Variants in CIT observed in about 807,000 individuals in gnomAD.
CIT encodes the protein citron rho-interacting serine/threonine kinase, also known as citron Rho-interacting kinase.
Under a neutral mutation model 272.7 loss-of-function variants are expected in CIT, and 79 were observed. That is an observed-to-expected ratio of 0.29 (90% CI 0.24 to 0.35). CIT has a LOEUF of 0.35. Ranked by LOEUF, CIT falls within the 10% of genes least tolerant of loss-of-function variation. CIT has a pLI of 1.00. For missense variants in CIT, 1,909 were observed against 2,618.3 expected (o/e 0.73, Z 5.91); for synonymous variants, 948 against 995.6 (o/e 0.95, Z 0.90).
chr12:119,836,054 C>T (rs574274166), intron 5 of CIT, among the ~76,000 whole-genome samples: 82 of 151,868 alleles, frequency 5.4e-4, no homozygotes, highest in African/African-American at 1.9e-3. Flanking sequence ...TTTGGGAGGC[C>T]GAGGCAGGCG....
In CIT at chr12:119,694,844, CAAG is replaced by C. The variant is rs1158301775; in HGVS notation, c.5882+2812_5882+2814del. Among the ~76,000 whole-genome samples, 1 of 150,386 alleles carries C rather than the reference CAAG, an allele frequency of 6.6e-6. No individual in the cohort carries two copies. Among genetic ancestry groups the C allele is most frequent in the East Asian group, 2.0e-4 (1 of 5,128 alleles). On this transcript the variant is annotated intron_variant, in intron 46 of 47. Transcript: ENST00000392521. The surrounding 1 kb of genome is among the most constrained non-coding windows in gnomAD (Gnocchi z 4.5). ...TAAATAAAAATAAAAAATAAATAAA[CAAG>C]GAGGGGAAGGGCACTTCCAGAATGC...
chr12:119,775,793 A>T lies in CIT; in HGVS notation c.1934T>A (p.Leu645Gln). 6.2e-7 allele frequency: 1 copy of T among 1,613,680 alleles called. No individual in the cohort carries two copies. The highest frequency in any genetic ancestry group is 8.5e-7 in the Non-Finnish European group (1 of 1,179,632). The change falls in exon 16 of 48, where the codon CTG becomes CAG. Residue 645 changes from leucine (L) to glutamine (Q), a missense_variant. Leu to Gln is a moderately radical substitution (Grantham distance 113). Coordinates refer to ENST00000392521, the MANE Select transcript of CIT (RefSeq NM_001206999.2). ...QLKIQELQEK[L>Q]EKAVKASTEA... Reference sequence around the variant, plus strand: ...AAATCACCTTGGGCTTACCTTCTCCAGTTTCTCTTGGAGCTCCTGAATTTT... The same window carrying T: ...AAATCACCTTGGGCTTACCTTCTCCTGTTTCTCTTGGAGCTCCTGAATTTT...
chr12:119,820,568 TAA>T (rs1967614118), intron 9 of CIT, among the ~76,000 whole-genome samples: 2 of 151,924 alleles, frequency 1.3e-5, no homozygotes, highest in East Asian at 3.9e-4. Flanking sequence ...TAAATAAATA[TAA>T]AAAAGAGTTA....
At chr12:119,853,728 G>A (rs938720450) in intron 4 of CIT, among the ~76,000 whole-genome samples, 164 of 152,134 alleles carry the variant, frequency 1.1e-3, no homozygotes, top group African/African-American at 3.9e-3. Context: ...CACCTGATAT[G>A]CTGATCCTTC....
chr12:119,876,415 C>A (rs1950847573), intron 1 of CIT, among the ~76,000 whole-genome samples: 1 of 151,824 alleles, frequency 6.6e-6, no homozygotes, highest in Non-Finnish European at 1.5e-5. Context: ...TTATTATCTC[C>A]CCCCTTAGAA....
Position 119,775,780 on chromosome 12 carries a change from G to A in CIT, c.1941+6C>T, listed in dbSNP as rs1202839657. ...GTAAGTTCCTGAAAAATCACCTTGGGCTTACCTTCTCCAGTTTCTCTTGGA... is the reference window on the plus strand; with the variant it reads ...GTAAGTTCCTGAAAAATCACCTTGGACTTACCTTCTCCAGTTTCTCTTGGA... On this transcript the variant is annotated splice_donor_region_variant and intron_variant, in intron 16 of 47. Coordinates refer to ENST00000392521, the MANE Select transcript of CIT (RefSeq NM_001206999.2). 6.2e-7 allele frequency: 1 copy of A among 1,612,032 alleles called. No homozygotes were observed. Among genetic ancestry groups the A allele is most frequent in the South Asian group, 1.1e-5 (1 of 90,994 alleles).
At chr12:119,823,124 G>GGGAAGA in intron 8 of CIT, 151 bp from the exon 9 acceptor site, 1 of 751,174 alleles carries the variant, frequency 1.3e-6, no homozygotes, top group Non-Finnish European at 2.1e-6. Context: ...TTGGACCAAA[G>GGGAAGA]GCGTGTTCCC....
rs371063817 is a variant in CIT, at chr12:119,710,200, T to C, written c.5071+51A>G. Reference sequence around the variant, plus strand: ...ACGAGCATGAAACGTGGCTTCAACATATTGGCTCCCTTGAAAGTAAAGAAA... The same window carrying C: ...ACGAGCATGAAACGTGGCTTCAACACATTGGCTCCCTTGAAAGTAAAGAAA... On this transcript the variant is annotated intron_variant, in intron 39 of 47. Transcript: ENST00000392521. The surrounding 1 kb of genome is among the most constrained non-coding windows in gnomAD (Gnocchi z 5.6). 4.3e-5 allele frequency: 69 copies of C among 1,592,604 alleles called. No homozygotes were observed. The highest frequency in any genetic ancestry group is 5.6e-5 in the Non-Finnish European group (66 of 1,170,966).
intron 23 of CIT, among the ~76,000 whole-genome samples, chr12:119,743,184 T>C (rs977088001): frequency 2.0e-5 from 3 of 151,724 alleles, no homozygotes; most frequent in Non-Finnish European, 2.9e-5. Flanking sequence ...AGTGCGTGAT[T>C]AGAGATTGGG....
At position 119,713,415 on chromosome 12, in the gene CIT, C is replaced by G; in HGVS notation, c.4487+53G>C. 6.2e-7 allele frequency: 1 copy of G among 1,600,998 alleles called. No individual in the cohort carries two copies. The highest frequency in any genetic ancestry group is 8.5e-7 in the Non-Finnish European group (1 of 1,170,636). On this transcript the variant is annotated intron_variant, in intron 34 of 47. Transcript: ENST00000392521. This position sits in a 1 kb window ranked among gnomAD's most constrained non-coding sequence, Gnocchi z 5.2. ...ACACTTCCCTAGAAAACATCAGGGA[C>G]AGAGTGGCTTGTGCCAGCACCTGCT...
rs1964650161 is a variant in CIT at position 119,784,995 on chromosome 12, T to C, written c.1366A>G (p.Lys456Glu). The stretch of plus-strand genomic sequence containing the variant: ...TTGTCCTGAGAGTCTTGTAGCTCTT[T>C]GCTTTTGATGAGAAGTTTCTTTTCC... ...SMEKKLLIKSKELQDSQDKCH... is the reference protein window; with the variant it reads ...SMEKKLLIKSEELQDSQDKCH... Residue 456 changes from lysine to glutamate, a missense_variant, in exon 11 of 48, where the codon AAA becomes GAA. This residue lies in a region of CIT where 26 missense variants were observed against 44.1 expected (regional missense o/e 0.59). Coordinates refer to ENST00000392521, the MANE Select transcript of CIT (RefSeq NM_001206999.2). The surrounding 1 kb of genome is among the most constrained non-coding windows in gnomAD (Gnocchi z 4.7). The C allele has an allele frequency of 3.1e-6, 5 of 1,614,094 alleles. No homozygotes were observed. The Admixed American group carries it at 5.0e-5, about 16-fold the overall frequency.
chr12:119,841,457 G>A (rs1213588802), intron 5 of CIT, among the ~76,000 whole-genome samples: 3 of 152,122 alleles, frequency 2.0e-5, no homozygotes, highest in Non-Finnish European at 4.4e-5. Flanking sequence ...TTACATGTGT[G>A]AGCCACCGTG....
At chr12:119,798,105 C>T (rs1228990189) in intron 10 of CIT, among the ~76,000 whole-genome samples, 1 of 152,050 alleles carries the variant, frequency 6.6e-6, no homozygotes, top group South Asian at 2.1e-4. Context: ...ACACACACAC[C>T]AGATAAGAGT....
In CIT at chr12:119,714,210, T is replaced by G. The variant is rs1957325279; in HGVS notation, c.4293A>C (p.Ala1431=). Residue 1431 remains alanine, a synonymous_variant, in exon 33 of 48, where the codon GCA becomes GCC. Coordinates refer to ENST00000392521, the MANE Select transcript of CIT (RefSeq NM_001206999.2). Reference sequence around the variant, plus strand: ...TACTGATCTTACCGAGACATTTGGATGCCTGGCGTCCAAAGTGCACGGTAT... The same window carrying G: ...TACTGATCTTACCGAGACATTTGGAGGCCTGGCGTCCAAAGTGCACGGTAT... The part of the protein sequence containing the change: ...CLDTVHFGRQ[A]SKCLECQVMC... 4 of 1,614,002 alleles carry G rather than the reference T, an allele frequency of 2.5e-6. No individual in the cohort carries two copies. Among genetic ancestry groups the G allele is most frequent in the Non-Finnish European group, 2.5e-6 (3 of 1,180,016 alleles).
chr12:119,869,570 C>A (rs1002178911), intron 2 of CIT, among the ~76,000 whole-genome samples: 1 of 152,152 alleles, frequency 6.6e-6, no homozygotes, highest in African/African-American at 2.4e-5. Context: ...TTTTTCACTT[C>A]TTTCATGTGT....
At chr12:119,702,965 TA>T (rs1412667399) in intron 41 of CIT, among the ~76,000 whole-genome samples, 16 of 152,302 alleles carry the variant, frequency 1.1e-4, no homozygotes, top group African/African-American at 3.6e-4. Flanking sequence ...AGGCCAATCC[TA>T]ATGTCATCAA....
In CIT at chr12:119,697,873, C is replaced by T. The variant is rs762502026; in HGVS notation, c.5703-35G>A. On this transcript the variant is annotated intron_variant, in intron 45 of 47. Coordinates refer to ENST00000392521, the MANE Select transcript of CIT (RefSeq NM_001206999.2). The surrounding 1 kb of genome is among the most constrained non-coding windows in gnomAD (Gnocchi z 4.9). Reference sequence around the variant, plus strand: ...CCCAGAGTTCCAGTTACCTTCATTGCAGGCTACCTCCATTGCTAGGCAAGT... The same window carrying T: ...CCCAGAGTTCCAGTTACCTTCATTGTAGGCTACCTCCATTGCTAGGCAAGT... 1.2e-6 allele frequency: 2 copies of T among 1,613,218 alleles called. No individual in the cohort carries two copies. The highest frequency in any genetic ancestry group is 1.7e-5 in the Admixed American group (1 of 60,004).
At chr12:119,795,989 A>T (rs1965701102) in intron 10 of CIT, among the ~76,000 whole-genome samples, 1 of 152,262 alleles carries the variant, frequency 6.6e-6, no homozygotes, top group Non-Finnish European at 1.5e-5. Context: ...ACAAATGTTC[A>T]TTGAAGACCT....
At chr12:119,831,736 G>C (rs1309878341) in intron 7 of CIT, among the ~76,000 whole-genome samples, 1 of 152,170 alleles carries the variant, frequency 6.6e-6, no homozygotes. Context: ...GGGCATGGTG[G>C]CGGGCGCTTG....
Sources: allele counts gnomAD v4.1 joint callset (sites outside exome capture counted in the v4.1 genomes callset), GRCh38; gene constraint gnomAD v4.1.1; regional missense constraint gnomAD v4.1.1; non-coding constraint Gnocchi (gnomAD v3.1); transcripts MANE v1.5; gene names NCBI Gene and HGNC (gene_info 2026-07-23, HGNC 2026-07-21).